Variants in MED16 observed in about 807,000 individuals in gnomAD.
MED16 encodes mediator of RNA polymerase II transcription subunit 16.
A neutral mutation model predicts 84.4 loss-of-function variants in MED16; 81 were observed. The observed-to-expected ratio is 0.96, with a 90% CI of 0.80 to 1.15. The LOEUF (loss-of-function observed/expected upper bound fraction) is 1.15. Ranked by LOEUF, MED16 falls within the 50% of genes most tolerant of loss-of-function variation. The pLI is 0.00. For synonymous variants in MED16, 897 were observed against 552.2 expected (o/e 1.62, Z -8.76); for missense variants, 1,585 against 1,245.9 (o/e 1.27, Z -4.10).
At chr19:883,028 C>T (rs970759915) in intron 6 of MED16, among the ~76,000 whole-genome samples, 15 of 152,154 alleles carry the variant, frequency 9.9e-5, no homozygotes, top group African/African-American at 2.9e-4. Flanking sequence ...GCCCCAGCGC[C>T]GGGGGAGGCA....
chr19:872,553 C>T (rs936458485), intron 11 of MED16, among the ~76,000 whole-genome samples: 23 of 149,680 alleles, frequency 1.5e-4, no homozygotes, highest in East Asian at 6.1e-4. Context: ...TCAAACCGTC[C>T]GTGATGGGCG....
chr19:878,183 C>T (rs2036308398), intron 8 of MED16, among the ~76,000 whole-genome samples: 1 of 145,808 alleles, frequency 6.9e-6, no homozygotes, highest in Non-Finnish European at 1.5e-5. Context: ...CCACCGAGCC[C>T]AGCCCCACGT....
intron 6 of MED16, among the ~76,000 whole-genome samples, chr19:882,947 G>A (rs1207220037): frequency 6.6e-6 from 1 of 152,208 alleles, no homozygotes; most frequent in Admixed American, 6.5e-5. Flanking sequence ...ACGCCCAGAG[G>A]GCACACAGTG....
At chr19:892,499 C>G (rs2036656796) in intron 1 of MED16, 1 of 147,676 alleles carries the variant, frequency 6.8e-6, no homozygotes, top group African/African-American at 2.5e-5. Context: ...TCCCCTATTG[C>G]CCCCAAATAC....
At position 886,286 on chromosome 19, in the gene MED16, A is replaced by C. The variant is rs543661804; in HGVS notation, c.448-85T>G. On this transcript the variant is annotated intron_variant, in intron 4 of 15. Coordinates refer to ENST00000325464, the MANE Select transcript of MED16 (RefSeq NM_005481.3). The stretch of plus-strand genomic sequence containing the variant: ...CCCCCAGAAACACGCGCACAGAAGA[A>C]CCACGCAGAAGCCAGGAGTGTGTGC... 55 of 1,193,536 alleles carry C rather than the reference A, an allele frequency of 4.6e-5. 2 individuals are homozygous for C. The South Asian group carries it at 6.9e-4, about 15-fold the overall frequency. The allele number at this position is 1,193,536 out of a possible 1,614,324, so 73.9% of individuals were successfully genotyped here.
chr19:875,510 G>A lies in MED16; in HGVS notation c.1561-56C>T, dbSNP rs938174481. ...GGCCGGAGCAGAGGCGCCCGCCAAGGCTCCAGCTGAGGAGAAGAGCAGTTC... is the reference window on the plus strand; with the variant it reads ...GGCCGGAGCAGAGGCGCCCGCCAAGACTCCAGCTGAGGAGAAGAGCAGTTC... On this transcript the variant is annotated intron_variant, in intron 9 of 15. Transcript: ENST00000325464. 3.0e-5 allele frequency: 42 copies of A among 1,417,820 alleles called. No homozygotes were observed. In the Middle Eastern group the frequency reaches 2.7e-3, roughly 90 times the overall value. 87.8% of individuals were successfully genotyped at this position (1,417,820 alleles called of 1,614,324 possible). A position where few individuals can be genotyped will look rare whatever the true frequency, so the allele number is the denominator to read the frequency against.
Position 885,777 on chromosome 19 carries a change from G to A in MED16, c.872C>T (p.Ser291Leu). Residue 291 changes from serine (S) to leucine (L), a missense_variant, in exon 5 of 16, where the codon TCG (serine) becomes TTG (leucine). Transcript: ENST00000325464. Reference sequence around the variant, plus strand: ...TGGCCTGCGCCCGTTCACCTGCTCCGACATGTCCCGGGCCAGGAACTTGAG... The same window carrying A: ...TGGCCTGCGCCCGTTCACCTGCTCCAACATGTCCCGGGCCAGGAACTTGAG... ...THLKFLARDM[S>L]EQVLLCASSQ... The A allele has an allele frequency of 3.1e-6, 5 of 1,608,048 alleles. No homozygotes were observed. The highest frequency in any genetic ancestry group is 1.3e-5 in the African/African-American group (1 of 75,038).
intron 7 of MED16, 89 bp downstream of exon 7, chr19:881,470 A>AGCTCCCACGACCCCGTGGCCTGT: frequency 6.9e-7 from 1 of 1,449,404 alleles, no homozygotes; most frequent in South Asian, 1.3e-5. Context: ...CTCTGGTGTG[A>AGCTCCCACGACCCCGTGGCCTGT]GCTCCCACGA....
At chr19:884,792 G>T in intron 6 of MED16, 111 bp downstream of exon 6, 1 of 786,548 alleles carries the variant, frequency 1.3e-6, no homozygotes, top group Non-Finnish European at 2.1e-6. Flanking sequence ...CGATCGCTTA[G>T]GGCCGGGGTT....
chr19:875,462 C>A lies in MED16; in HGVS notation c.1561-8G>T, dbSNP rs1395342444. ...GATCCGGGTGGAGAGGACCTGAGGG[C>A]AGGAAGCCAGGTCACCCCAAGGGGC... On this transcript the variant is annotated splice_polypyrimidine_tract_variant and splice_region_variant and intron_variant, in intron 9 of 15. Transcript: ENST00000325464. 2 of 1,594,746 alleles carry A rather than the reference C, an allele frequency of 1.3e-6. No homozygotes were observed. Among genetic ancestry groups the A allele is most frequent in the East Asian group, 2.2e-5 (1 of 44,680 alleles).
intron 12 of MED16, chr19:871,710 G>C (rs372897820): frequency 7.2e-7 from 1 of 1,389,442 alleles, no homozygotes; most frequent in African/African-American, 1.5e-5. Flanking sequence ...ACCTGCAGGG[G>C]CTTATGTTCT....
intron 13 of MED16, among the ~76,000 whole-genome samples, chr19:869,353 C>T (rs766142218): frequency 5.0e-5 from 7 of 141,210 alleles, no homozygotes; most frequent in Non-Finnish European, 7.7e-5. Flanking sequence ...CCCAGACACC[C>T]GGCCTGGAGG....
At position 879,985 on chromosome 19, in the gene MED16, C is replaced by T. The variant is rs2036382343; in HGVS notation, c.1305G>A (p.Gln435=). The part of the protein sequence containing the change: ...AGPAVHLKAM[Q]LSWTSLALVG... ...CCAGGGCCAGTGACGTCCACGATAG[C>T]TGCATAGCCTTTAAGTGGACGGCGG... is the stretch of plus-strand genomic sequence containing the variant. Residue 435 remains glutamine, a synonymous_variant, in exon 8 of 16, where the codon CAG becomes CAA. Coordinates refer to ENST00000325464, the MANE Select transcript of MED16 (RefSeq NM_005481.3). 1 of 1,609,446 alleles carries T rather than the reference C, an allele frequency of 6.2e-7. No individual in the cohort carries two copies. The highest frequency in any genetic ancestry group is 8.5e-7 in the Non-Finnish European group (1 of 1,178,400).
rs774655560 is a variant in MED16, at chr19:884,997, G to A, written c.891C>T (p.Cys297=). Residue 297 remains cysteine, a synonymous_variant, in exon 6 of 16, where the codon TGC becomes TGT. Coordinates refer to ENST00000325464, the MANE Select transcript of MED16 (RefSeq NM_005481.3). ...CGATGCTGCTGGTCTGGCTGGACGC[G>A]CACAAAAGCACCTGCGGGGGAGGTG... ...ARDMSEQVLL[C]ASSQTSSIVE... is the part of the protein sequence containing the mutation. 2.5e-5 allele frequency: 40 copies of A among 1,599,862 alleles called. No homozygotes were observed. Among genetic ancestry groups the A allele is most frequent in the South Asian group, 7.8e-5 (7 of 89,824 alleles).
intron 4 of MED16, among the ~76,000 whole-genome samples, chr19:888,839 T>C (rs1281678271): frequency 6.6e-6 from 1 of 152,092 alleles, no homozygotes; most frequent in Non-Finnish European, 1.5e-5. Flanking sequence ...AAAGATCTTG[T>C]CCACTGCATC....
chr19:868,739 C>T (rs1318686388), intron 14 of MED16, 124 bp downstream of exon 14: 20 of 1,165,900 alleles, frequency 1.7e-5, no homozygotes, highest in Non-Finnish European at 2.4e-5. Context: ...GGCTCCAACA[C>T]TCCCTCTGGG....
At position 868,403 on chromosome 19, in the gene MED16, G is replaced by C. The variant is rs781491575; in HGVS notation, c.2483+13C>G. 8.1e-6 allele frequency: 13 copies of C among 1,608,888 alleles called. No homozygotes were observed. Among genetic ancestry groups the C allele is most frequent in the African/African-American group, 1.3e-5 (1 of 75,034 alleles). On this transcript the variant is annotated intron_variant, in intron 15 of 15. Transcript: ENST00000325464. ...GGTAGCTGAGGGGCACCCGCCACCA[G>C]AGCCCACCGCACAGGCAGTTCTTGA...
At position 870,065 on chromosome 19, in the gene MED16, G is replaced by A. The variant is rs187437865; in HGVS notation, c.2315+972C>T. On this transcript the variant is annotated intron_variant, in intron 13 of 15. Transcript: ENST00000325464. ...CACATTCCAGAGAAAGGCCAGCCCCGGGCCCTGCAAGGTGACCTCTTGCCC... is the reference window on the plus strand; with the variant it reads ...CACATTCCAGAGAAAGGCCAGCCCCAGGCCCTGCAAGGTGACCTCTTGCCC... Among the ~76,000 whole-genome samples the A allele has an allele frequency of 2.5e-4, 38 of 152,202 alleles. No individual in the cohort carries two copies. In the East Asian group the frequency reaches 3.7e-3, roughly 15 times the overall value.
intron 9 of MED16, among the ~76,000 whole-genome samples, chr19:875,750 G>C (rs2036215803): frequency 6.6e-6 from 1 of 152,140 alleles, no homozygotes; most frequent in Non-Finnish European, 1.5e-5. Context: ...GTAACGGGTG[G>C]AGGCTGGGGA....
Sources: allele counts gnomAD v4.1 joint callset (sites outside exome capture counted in the v4.1 genomes callset), GRCh38; gene constraint gnomAD v4.1.1; transcripts MANE v1.5; gene names NCBI Gene and HGNC (gene_info 2026-07-23, HGNC 2026-07-21).